The following ATF1 variants were observed in gnomAD, a reference collection of about 807,000 sequenced individuals.
ATF1 encodes the protein activating transcription factor 1.
A neutral mutation model predicts 34.7 loss-of-function variants in ATF1; 16 were observed. That is an observed-to-expected ratio of 0.46 (90% CI 0.31 to 0.70). The LOEUF (loss-of-function observed/expected upper bound fraction) is 0.70. Ranked by LOEUF, ATF1 falls within the 30% of genes least tolerant of loss-of-function variation. The pLI is 0.05. For missense variants in ATF1, 255 were observed against 321.6 expected, an observed-to-expected ratio of 0.79 and a Z score of 1.58; for synonymous variants, 105 against 113.1, an observed-to-expected ratio of 0.93 and a Z score of 0.46.
chr12:50,802,527 A>G (rs1442547764), intron 3 of ATF1, among the ~76,000 whole-genome samples: 2 of 152,166 alleles, frequency 1.3e-5, no homozygotes, highest in East Asian at 1.9e-4. Context: ...CTCCATCTCA[A>G]AAAGAATACA....
At chr12:50,809,315 A>T in intron 3 of ATF1, 141 bp from the exon 4 acceptor site, 1 of 675,134 alleles carries the variant, frequency 1.5e-6, no homozygotes, top group Non-Finnish European at 2.4e-6. Flanking sequence ...CAGAGGTTGC[A>T]GTGAGCCATG....
intron 1 of ATF1, among the ~76,000 whole-genome samples, chr12:50,767,492 C>G (rs1302247266): frequency 6.6e-6 from 1 of 152,180 alleles, no homozygotes. Flanking sequence ...TGCACTCCAG[C>G]CTGGCAACAG....
intron 3 of ATF1, among the ~76,000 whole-genome samples, chr12:50,801,280 A>G (rs537148433): frequency 6.6e-6 from 1 of 152,350 alleles, no homozygotes; most frequent in South Asian, 2.1e-4. Context: ...TATGTAGACT[A>G]TAAAAAGCTA....
chr12:50,768,251 A>C (rs1405624318), intron 1 of ATF1, among the ~76,000 whole-genome samples: 4 of 152,116 alleles, frequency 2.6e-5, no homozygotes, highest in Non-Finnish European at 5.9e-5. Flanking sequence ...TAATATCTGC[A>C]TGACTTTGTC....
intron 2 of ATF1, among the ~76,000 whole-genome samples, chr12:50,793,334 A>C (rs1941342696): frequency 6.6e-6 from 1 of 152,152 alleles, no homozygotes; most frequent in Non-Finnish European, 1.5e-5. Context: ...TTAGAAATGA[A>C]GTATTTTATG....
At chr12:50,774,873 G>T (rs10876085) in intron 1 of ATF1, among the ~76,000 whole-genome samples, 126,637 of 150,816 alleles carry the variant, frequency 0.84, 55,187 homozygotes, top group Non-Finnish European at 0.98. Context: ...TCAGCCTCCC[G>T]AGTAGCTGGG....
At chr12:50,774,354 C>T (rs1431693306) in intron 1 of ATF1, among the ~76,000 whole-genome samples, 1 of 152,000 alleles carries the variant, frequency 6.6e-6, no homozygotes, top group Non-Finnish European at 1.5e-5. Context: ...CTTAAAAGGG[C>T]CCTGCCTTCC....
chr12:50,787,734 C>T (rs1437171835), intron 2 of ATF1, among the ~76,000 whole-genome samples: 1 of 151,430 alleles, frequency 6.6e-6, no homozygotes, highest in African/African-American at 2.4e-5. Context: ...AGAGTGAGGC[C>T]TTGTCTAAAA....
At chr12:50,781,814 C>T (rs1477512667) in intron 2 of ATF1, among the ~76,000 whole-genome samples, 1 of 151,278 alleles carries the variant, frequency 6.6e-6, no homozygotes. Flanking sequence ...AGCTACTTGG[C>T]TGAAGCAGGA....
At chr12:50,809,435 G>T in intron 3 of ATF1, 21 bp from the exon 4 acceptor site, 1 of 1,470,384 alleles carries the variant, frequency 6.8e-7, no homozygotes, top group Non-Finnish European at 9.1e-7. Flanking sequence ...ATGTTTAATA[G>T]AGTTCTGGTT....
At chr12:50,805,926 A>T (rs151112679) in intron 3 of ATF1, among the ~76,000 whole-genome samples, 1 of 152,168 alleles carries the variant, frequency 6.6e-6, no homozygotes, top group Non-Finnish European at 1.5e-5. Flanking sequence ...CCAGGTGGGC[A>T]GATCACCTGA....
intron 1 of ATF1, among the ~76,000 whole-genome samples, chr12:50,771,122 C>T (rs1173169894): frequency 6.6e-6 from 1 of 152,132 alleles, no homozygotes; most frequent in Non-Finnish European, 1.5e-5. Context: ...TCTCCTGCCT[C>T]AGCCTCCCAA....
intron 1 of ATF1, among the ~76,000 whole-genome samples, chr12:50,770,155 TTG>T (rs1940736108): frequency 5.9e-5 from 9 of 152,252 alleles, no homozygotes; most frequent in Admixed American, 5.9e-4. Flanking sequence ...TGGAAACTAG[TTG>T]TGAGTATTCT....
At chr12:50,797,976 G>A (rs983675086) in intron 3 of ATF1, among the ~76,000 whole-genome samples, 5 of 151,720 alleles carry the variant, frequency 3.3e-5, no homozygotes, top group Admixed American at 1.3e-4. Flanking sequence ...TCAGGAGTTC[G>A]AAACGAGCCT....
At chr12:50,797,619 C>T (rs908063419) in intron 3 of ATF1, among the ~76,000 whole-genome samples, 2 of 152,098 alleles carry the variant, frequency 1.3e-5, no homozygotes, top group Non-Finnish European at 2.9e-5. Flanking sequence ...TAGGCATATG[C>T]CATGATGCCC....
chr12:50,798,622 T>A (rs1025931608), intron 3 of ATF1, among the ~76,000 whole-genome samples: 3 of 152,186 alleles, frequency 2.0e-5, no homozygotes, highest in African/African-American at 7.2e-5. Context: ...ACCTGAGATT[T>A]CTTTATTAAG....
intron 3 of ATF1, 64 bp downstream of exon 3, chr12:50,796,073 T>A (rs1941403139): frequency 7.4e-7 from 1 of 1,355,574 alleles, no homozygotes; most frequent in African/African-American, 1.5e-5. Context: ...CAAGAGGTGC[T>A]GTGCAAAGTA....
intron 3 of ATF1, among the ~76,000 whole-genome samples, chr12:50,798,055 G>C (rs758629605): frequency 1.3e-5 from 2 of 151,374 alleles, no homozygotes; most frequent in Non-Finnish European, 2.9e-5. Flanking sequence ...GCACATGCGT[G>C]TAGTCCCAGC....
intron 6 of ATF1, among the ~76,000 whole-genome samples, chr12:50,815,842 G>A (rs1941832936): frequency 6.6e-6 from 1 of 152,154 alleles, no homozygotes; most frequent in Non-Finnish European, 1.5e-5. Flanking sequence ...CACTATTCAC[G>A]CACAATAGCT....
Sources: gnomAD v4.1 joint callset for allele counts (sites outside exome capture counted in the v4.1 genomes callset) on GRCh38, gnomAD v4.1.1 for gene constraint, MANE v1.5 for transcripts, NCBI Gene and HGNC (gene_info 2026-07-23, HGNC 2026-07-21) for gene names.